The following KCNAB1 variants were observed in gnomAD, a reference collection of about 807,000 sequenced individuals.
KCNAB1 encodes potassium voltage-gated channel subfamily A regulatory beta subunit 1, also known as voltage-gated potassium channel subunit beta-1.
Under a neutral mutation model 64.6 loss-of-function variants are expected in KCNAB1, and 35 were observed. The ratio of observed to expected loss-of-function variants is 0.54; its 90% CI spans 0.41 to 0.72. The LOEUF is 0.72. KCNAB1 is among the 30% of genes least tolerant of loss of function. The pLI, the probability that KCNAB1 is intolerant of heterozygous loss-of-function variation, is 0.00. For synonymous variants in KCNAB1, 177 were observed against 183.8 expected (o/e 0.96, Z 0.30); for missense variants, 401 against 512.9 (o/e 0.78, Z 2.11).
intron 1 of KCNAB1, among the ~76,000 whole-genome samples, chr3:156,347,985 T>C (rs759997190): frequency 6.6e-6 from 1 of 152,154 alleles, no homozygotes; most frequent in Non-Finnish European, 1.5e-5. Flanking sequence ...GGCATTGTTA[T>C]ACACACTAGG....
At chr3:156,518,313 C>T (rs1053666729) in intron 11 of KCNAB1, among the ~76,000 whole-genome samples, 4 of 152,120 alleles carry the variant, frequency 2.6e-5, no homozygotes, top group African/African-American at 9.7e-5. Context: ...CAAGGCTCTA[C>T]ATTATCAATC....
At chr3:156,142,924 G>T in intron 1 of KCNAB1, 1 of 1,071,924 alleles carries the variant, frequency 9.3e-7, no homozygotes, top group Non-Finnish European at 1.1e-6. Context: ...GTACTTTAAA[G>T]GGATGAGAAA....
intron 1 of KCNAB1, among the ~76,000 whole-genome samples, chr3:156,367,983 A>G (rs1726054948): frequency 6.6e-6 from 1 of 152,198 alleles, no homozygotes; most frequent in African/African-American, 2.4e-5. Flanking sequence ...GTTTGTATAT[A>G]TGTTTGATTT....
chr3:156,495,264 C>T (rs1715933513), intron 8 of KCNAB1, among the ~76,000 whole-genome samples: 1 of 152,092 alleles, frequency 6.6e-6, no homozygotes, highest in African/African-American at 2.4e-5. Flanking sequence ...AAAAGGAATA[C>T]TTTTACACTA....
intron 1 of KCNAB1, among the ~76,000 whole-genome samples, chr3:156,327,923 C>T (rs1030037577): frequency 6.6e-6 from 1 of 152,026 alleles, no homozygotes; most frequent in African/African-American, 2.4e-5. Flanking sequence ...CATTTGTTTC[C>T]CCAGTTCTGC....
intron 1 of KCNAB1, among the ~76,000 whole-genome samples, chr3:156,145,619 C>G (rs1177190050): frequency 1.3e-5 from 2 of 152,102 alleles, no homozygotes; most frequent in African/African-American, 4.8e-5. Context: ...AAAAAACAAC[C>G]TCTGTTAAGC....
chr3:156,283,212 C>T (rs1341048919), intron 1 of KCNAB1, among the ~76,000 whole-genome samples: 2 of 149,744 alleles, frequency 1.3e-5, no homozygotes, highest in Non-Finnish European at 3.0e-5. Flanking sequence ...TTTTATTTCT[C>T]CTTCACTTAT....
At chr3:156,143,676 T>C (rs9823385) in intron 1 of KCNAB1, among the ~76,000 whole-genome samples, 2,404 of 149,584 alleles carry the variant, frequency 0.016, 70 homozygotes, top group African/African-American at 0.056. Context: ...AACCATGTGC[T>C]CCAGAAGAAG....
intron 1 of KCNAB1, among the ~76,000 whole-genome samples, chr3:156,379,018 T>C (rs1007224642): frequency 6.6e-6 from 1 of 152,194 alleles, no homozygotes; most frequent in African/African-American, 2.4e-5. Context: ...CCTGCAAGGA[T>C]CATGCTTTCT....
intron 1 of KCNAB1, among the ~76,000 whole-genome samples, chr3:156,323,353 G>T (rs776485016): frequency 6.6e-6 from 1 of 152,090 alleles, no homozygotes; most frequent in Non-Finnish European, 1.5e-5. Context: ...GGGGAGAAAT[G>T]ACACTTGCAT....
intron 1 of KCNAB1, among the ~76,000 whole-genome samples, chr3:156,229,543 A>G (rs188292068): frequency 6.6e-6 from 1 of 152,352 alleles, no homozygotes; most frequent in African/African-American, 2.4e-5. Context: ...TGGATGCATT[A>G]GTGGAAAGGA....
At chr3:156,466,293 C>T (rs893137305) in intron 7 of KCNAB1, among the ~76,000 whole-genome samples, 3 of 152,026 alleles carry the variant, frequency 2.0e-5, no homozygotes, top group Non-Finnish European at 4.4e-5. Context: ...CATGTTGTAG[C>T]GCATGTCAGT....
upstream of KCNAB1, among the ~76,000 whole-genome samples, chr3:156,119,872 C>T (rs1577602214): frequency 6.6e-6 from 1 of 152,156 alleles, no homozygotes; most frequent in Non-Finnish European, 1.5e-5. Flanking sequence ...TCCCACCATT[C>T]CCTCCCACTC....
At chr3:156,224,707 C>T (rs1716038807) in intron 1 of KCNAB1, among the ~76,000 whole-genome samples, 1 of 151,860 alleles carries the variant, frequency 6.6e-6, no homozygotes, top group African/African-American at 2.4e-5. Context: ...GAGAGAAGAT[C>T]CAAATGAGCT....
At chr3:156,432,941 G>T (rs1361798675) in intron 2 of KCNAB1, among the ~76,000 whole-genome samples, 1 of 152,172 alleles carries the variant, frequency 6.6e-6, no homozygotes, top group African/African-American at 2.4e-5. Context: ...TTCCAGGGAG[G>T]ACTGGTTGGC....
At chr3:156,140,650 A>G (rs900577151) in intron 1 of KCNAB1, among the ~76,000 whole-genome samples, 1 of 152,204 alleles carries the variant, frequency 6.6e-6, no homozygotes, top group African/African-American at 2.4e-5. Flanking sequence ...TCAGTACATA[A>G]CACTAAAAAA....
intron 1 of KCNAB1, among the ~76,000 whole-genome samples, chr3:156,139,612 T>C (rs4680236): frequency 7.1e-6 from 1 of 140,510 alleles, no homozygotes; most frequent in Non-Finnish European, 1.5e-5. Context: ...TTTTTTTTTG[T>C]TCCCCCTAGC....
chr3:156,180,659 G>A (rs1712743860), intron 1 of KCNAB1, among the ~76,000 whole-genome samples: 1 of 152,018 alleles, frequency 6.6e-6, no homozygotes, highest in Admixed American at 6.6e-5. Context: ...CCTACCACAT[G>A]CAAGGCTCTG....
intron 1 of KCNAB1, among the ~76,000 whole-genome samples, chr3:156,195,715 A>C (rs900410384): frequency 2.0e-5 from 3 of 151,992 alleles, no homozygotes; most frequent in African/African-American, 7.3e-5. Context: ...AGATTGCAAA[A>C]TTTTTCTTCC....
Sources: allele counts gnomAD v4.1 joint callset (sites outside exome capture counted in the v4.1 genomes callset), GRCh38; gene constraint gnomAD v4.1.1; transcripts MANE v1.5; gene names NCBI Gene and HGNC (gene_info 2026-07-23, HGNC 2026-07-21).